EBF1: variants seen among roughly 807,000 people sequenced by gnomAD.
The protein encoded by EBF1 is EBF transcription factor 1.
Under a neutral mutation model 68.4 loss-of-function variants are expected in EBF1, and 10 were observed. The ratio of observed to expected loss-of-function variants is 0.15; its 90% CI spans 0.09 to 0.25. The LOEUF is 0.25. Among genes scored for constraint, EBF1 ranks in the 10% least tolerant of loss-of-function variants. The pLI is 1.00. For missense variants in EBF1, 509 were observed against 794.4 expected, an observed-to-expected ratio of 0.64 and a Z score of 4.32; for synonymous variants, 298 against 299.8, an observed-to-expected ratio of 0.99 and a Z score of 0.06.
intron 15 of EBF1, among the ~76,000 whole-genome samples, chr5:158,703,117 T>A (rs1757122088): frequency 6.6e-6 from 1 of 152,204 alleles, no homozygotes; most frequent in East Asian, 1.9e-4. Context: ...AATGAAGTCC[T>A]CTGAGGCCTA....
intron 6 of EBF1, among the ~76,000 whole-genome samples, chr5:158,958,629 T>C (rs1817588624): frequency 1.3e-5 from 2 of 152,178 alleles, no homozygotes; most frequent in African/African-American, 2.4e-5. Context: ...GCTCTCAGCA[T>C]TTTCCCCCCA....
At chr5:158,711,661 GT>G (rs548387604) in intron 14 of EBF1, among the ~76,000 whole-genome samples, 4 of 151,012 alleles carry the variant, frequency 2.6e-5, no homozygotes, top group African/African-American at 9.7e-5. Context: ...GTTTATGGGG[GT>G]TTTTTTGTTT....
intron 6 of EBF1, among the ~76,000 whole-genome samples, chr5:158,974,718 T>C (rs1756375725): frequency 1.3e-5 from 2 of 152,346 alleles, no homozygotes; most frequent in South Asian, 2.1e-4. Flanking sequence ...CCAAAGAGTA[T>C]TTTGTAAATC....
At chr5:158,855,516 C>G (rs551357858) in intron 6 of EBF1, among the ~76,000 whole-genome samples, 1 of 152,194 alleles carries the variant, frequency 6.6e-6, no homozygotes, top group Non-Finnish European at 1.5e-5. Flanking sequence ...CTCTTCCCCA[C>G]CCTGGGTCCT....
At chr5:158,887,322 T>A (rs1800261722) in intron 6 of EBF1, among the ~76,000 whole-genome samples, 1 of 152,180 alleles carries the variant, frequency 6.6e-6, no homozygotes, top group Non-Finnish European at 1.5e-5. Context: ...TGTCAATAAC[T>A]TAGAAATTCT....
At chr5:159,065,057 A>T (rs1012287398) in intron 6 of EBF1, among the ~76,000 whole-genome samples, 6 of 151,996 alleles carry the variant, frequency 3.9e-5, no homozygotes, top group Non-Finnish European at 7.4e-5. Context: ...AGTGCACCCA[A>T]GAGTGTTAAA....
chr5:158,793,541 C>T (rs1779068654), intron 9 of EBF1, among the ~76,000 whole-genome samples: 1 of 151,970 alleles, frequency 6.6e-6, no homozygotes, highest in African/African-American at 2.4e-5. Flanking sequence ...ATTGCATGTG[C>T]TCTCTTATTA....
intron 6 of EBF1, among the ~76,000 whole-genome samples, chr5:158,942,978 G>GA (rs1813789384): frequency 7.9e-6 from 1 of 125,932 alleles, no homozygotes; most frequent in Non-Finnish European, 1.7e-5. Context: ...AAGGAGGGAA[G>GA]GAGGAAGAGA....
intron 9 of EBF1, among the ~76,000 whole-genome samples, chr5:158,795,278 A>G (rs191440669): frequency 1.3e-5 from 2 of 152,304 alleles, no homozygotes; most frequent in African/African-American, 4.8e-5. Flanking sequence ...GCCATATACA[A>G]ATCACTTACA....
At chr5:158,735,560 A>G (rs1764998508) in intron 10 of EBF1, among the ~76,000 whole-genome samples, 1 of 152,194 alleles carries the variant, frequency 6.6e-6, no homozygotes, top group Non-Finnish European at 1.5e-5. Context: ...CAAATGTCTC[A>G]GCTGAGATTT....
chr5:158,844,830 T>C (rs928031656), intron 6 of EBF1, among the ~76,000 whole-genome samples: 4 of 152,194 alleles, frequency 2.6e-5, no homozygotes, highest in South Asian at 4.1e-4. Context: ...TGTAGGACAT[T>C]AGCCCATCAC....
chr5:158,877,772 A>G (rs1020105248), intron 6 of EBF1, among the ~76,000 whole-genome samples: 3 of 152,096 alleles, frequency 2.0e-5, no homozygotes, highest in Admixed American at 6.6e-5. Context: ...TTATGCTGAC[A>G]GTACTAAGTT....
chr5:158,985,934 G>A (rs941806607), intron 6 of EBF1: 8 of 152,464 alleles, frequency 5.2e-5, no homozygotes, highest in African/African-American at 1.9e-4. Flanking sequence ...AGCTCCTGGA[G>A]ATGGGGTAAA....
intron 6 of EBF1, among the ~76,000 whole-genome samples, chr5:159,065,466 A>G (rs1341605852): frequency 6.6e-6 from 1 of 152,252 alleles, no homozygotes; most frequent in Non-Finnish European, 1.5e-5. Context: ...TTTTCAATTC[A>G]TCAATTAAAA....
chr5:158,986,604 A>C (rs1270320907), intron 6 of EBF1: 1 of 152,248 alleles, frequency 6.6e-6, no homozygotes, highest in Non-Finnish European at 1.5e-5. Flanking sequence ...CATCAAATTC[A>C]AATTCTTAAA....
intron 8 of EBF1, among the ~76,000 whole-genome samples, chr5:158,809,803 T>A (rs1479400029): frequency 6.6e-6 from 1 of 152,204 alleles, no homozygotes; most frequent in Non-Finnish European, 1.5e-5. Context: ...GAGAAACATT[T>A]TTAAAGTATC....
intron 6 of EBF1, among the ~76,000 whole-genome samples, chr5:158,886,939 T>C (rs1035519643): frequency 9.2e-5 from 14 of 151,894 alleles, no homozygotes; most frequent in African/African-American, 3.4e-4. Flanking sequence ...GAGGTGGAGG[T>C]TGCAATGAGC....
At chr5:158,941,147 G>A in intron 6 of EBF1, 2 of 455,254 alleles carry the variant, frequency 4.4e-6, no homozygotes, top group Middle Eastern at 3.3e-4. Context: ...GGCACGTGGG[G>A]CTTTTCTGTA....
At chr5:158,851,900 CA>C (rs1413844999) in intron 6 of EBF1, among the ~76,000 whole-genome samples, 2 of 8,490 alleles carry the variant, frequency 2.4e-4, no homozygotes, top group African/African-American at 6.0e-4. Context: ...GGAGGGGAGG[CA>C]GGGGGGAGGA....
Sources: allele counts gnomAD v4.1 joint callset (sites outside exome capture counted in the v4.1 genomes callset), GRCh38; gene constraint gnomAD v4.1.1; transcripts MANE v1.5; gene names NCBI Gene and HGNC (gene_info 2026-07-23, HGNC 2026-07-21).